The following PHACTR1 variants were observed in gnomAD, a reference collection of about 807,000 sequenced individuals.
PHACTR1 encodes phosphatase and actin regulator 1.
Under a neutral mutation model 69.2 loss-of-function variants are expected in PHACTR1, and 16 were observed. The ratio of observed to expected loss-of-function variants is 0.23; its 90% CI spans 0.16 to 0.35. The LOEUF is 0.35. Among genes scored for constraint, PHACTR1 ranks in the 10% least tolerant of loss-of-function variants. PHACTR1 has a pLI of 1.00. For missense variants in PHACTR1, 510 were observed against 734.7 expected (o/e 0.69, Z 3.54); for synonymous variants, 312 against 284.5 (o/e 1.10, Z -0.97).
intron 5 of PHACTR1, among the ~76,000 whole-genome samples, chr6:13,107,520 G>T (rs1816364290): frequency 6.6e-6 from 1 of 152,078 alleles, no homozygotes; most frequent in Non-Finnish European, 1.5e-5. Context: ...TTGTGGGAAG[G>T]GTTTCAATTT....
chr6:13,156,351 G>T (rs1245075178), intron 5 of PHACTR1, among the ~76,000 whole-genome samples: 2 of 152,218 alleles, frequency 1.3e-5, no homozygotes, highest in Non-Finnish European at 2.9e-5. Context: ...TTGGAAATTG[G>T]TGGTGATGGA....
chr6:12,803,937 G>A (rs544602238), intron 4 of PHACTR1, among the ~76,000 whole-genome samples: 43 of 152,280 alleles, frequency 2.8e-4, no homozygotes, highest in Middle Eastern at 3.4e-3. Context: ...AAAATCTCCA[G>A]GGAAAAGAAC....
chr6:12,821,708 A>G (rs1184456410), intron 4 of PHACTR1, among the ~76,000 whole-genome samples: 1 of 152,218 alleles, frequency 6.6e-6, no homozygotes, highest in Non-Finnish European at 1.5e-5. Context: ...TTATCCGTTG[A>G]CTGCCTATTC....
intron 7 of PHACTR1, among the ~76,000 whole-genome samples, chr6:13,185,990 G>A (rs957197807): frequency 6.6e-6 from 1 of 152,166 alleles, no homozygotes; most frequent in Non-Finnish European, 1.5e-5. Context: ...AGCTAATGTT[G>A]TTTCCAGAGC....
At chr6:12,893,792 G>A (rs980350147) in intron 4 of PHACTR1, among the ~76,000 whole-genome samples, 8 of 152,128 alleles carry the variant, frequency 5.3e-5, no homozygotes, top group South Asian at 4.1e-4. Flanking sequence ...GGCAGTTCAC[G>A]CAAGTCTAAA....
At chr6:12,902,938 G>T (rs1191002864) in intron 4 of PHACTR1, among the ~76,000 whole-genome samples, 2 of 152,138 alleles carry the variant, frequency 1.3e-5, no homozygotes, top group Admixed American at 6.5e-5. Flanking sequence ...ACCATTTGTC[G>T]AGACCCAACC....
chr6:12,838,124 G>A (rs924424751), intron 4 of PHACTR1, among the ~76,000 whole-genome samples: 6 of 152,222 alleles, frequency 3.9e-5, no homozygotes, highest in African/African-American at 1.2e-4. Flanking sequence ...GCATTAACCA[G>A]CAAGTGAAAG....
At chr6:13,266,362 C>T (rs747896514) in intron 10 of PHACTR1, among the ~76,000 whole-genome samples, 5 of 152,152 alleles carry the variant, frequency 3.3e-5, no homozygotes, top group South Asian at 2.1e-4. Flanking sequence ...TAATAACCAG[C>T]ATGATCTCTT....
chr6:13,131,027 C>T (rs1820318349), intron 5 of PHACTR1, among the ~76,000 whole-genome samples: 1 of 151,940 alleles, frequency 6.6e-6, no homozygotes, highest in South Asian at 2.1e-4. Context: ...AAATGTGATA[C>T]AGCACATCAA....
intron 11 of PHACTR1, among the ~76,000 whole-genome samples, chr6:13,276,543 G>A (rs1778950129): frequency 6.6e-6 from 1 of 152,264 alleles, no homozygotes; most frequent in African/African-American, 2.4e-5. Flanking sequence ...AGGCTGAGGC[G>A]GGTGGATCAC....
chr6:12,769,743 G>A (rs527535802), intron 4 of PHACTR1, among the ~76,000 whole-genome samples: 97 of 152,260 alleles, frequency 6.4e-4, no homozygotes, highest in Non-Finnish European at 1.0e-3. Context: ...AGACAGACTC[G>A]GGCTGAGCAG....
At chr6:12,937,538 G>A (rs1789598433) in intron 4 of PHACTR1, among the ~76,000 whole-genome samples, 1 of 152,040 alleles carries the variant, frequency 6.6e-6, no homozygotes, top group Admixed American at 6.6e-5. Flanking sequence ...TATGTTCCAG[G>A]GGAGGGATAT....
intron 4 of PHACTR1, among the ~76,000 whole-genome samples, chr6:12,769,872 G>A (rs1478204956): frequency 1.3e-5 from 2 of 152,192 alleles, no homozygotes; most frequent in Admixed American, 6.5e-5. Context: ...CCCCCAAGTC[G>A]AGCCTTGGCT....
intron 4 of PHACTR1, among the ~76,000 whole-genome samples, chr6:12,965,245 T>C (rs571290616): frequency 9.2e-5 from 14 of 152,346 alleles, no homozygotes; most frequent in African/African-American, 3.4e-4. Context: ...ATCCTCATTT[T>C]TCTTGGAGTC....
chr6:12,809,756 G>T (rs950785757), intron 4 of PHACTR1, among the ~76,000 whole-genome samples: 1 of 152,118 alleles, frequency 6.6e-6, no homozygotes, highest in Admixed American at 6.5e-5. Flanking sequence ...GTCCTTACAA[G>T]ATCAGATACA....
chr6:12,948,973 A>G (rs1237568593), intron 4 of PHACTR1, among the ~76,000 whole-genome samples: 1 of 152,194 alleles, frequency 6.6e-6, no homozygotes, highest in Non-Finnish European at 1.5e-5. Flanking sequence ...TTGGGGTACA[A>G]AGAAATAGAA....
intron 5 of PHACTR1, among the ~76,000 whole-genome samples, chr6:13,142,758 C>A (rs1315160780): frequency 1.3e-5 from 2 of 151,894 alleles, no homozygotes; most frequent in Non-Finnish European, 2.9e-5. Flanking sequence ...CCATTCATCT[C>A]TATGCCTGTT....
intron 4 of PHACTR1, among the ~76,000 whole-genome samples, chr6:12,945,901 TTGCAGTGGCCAAGATCG>T (rs1790616443): frequency 6.6e-6 from 1 of 151,564 alleles, no homozygotes; most frequent in Non-Finnish European, 1.5e-5. Flanking sequence ...GAGGTGGAGG[TTGCAGTGGCCAAGATCG>T]TGCCACCGCA....
intron 4 of PHACTR1, among the ~76,000 whole-genome samples, chr6:12,817,626 T>C (rs1015141398): frequency 6.6e-6 from 1 of 152,184 alleles, no homozygotes; most frequent in African/African-American, 2.4e-5. Context: ...TAAATGATAG[T>C]GTTTATTACT....
Sources: gnomAD v4.1 joint callset for allele counts (sites outside exome capture counted in the v4.1 genomes callset) on GRCh38, gnomAD v4.1.1 for gene constraint, MANE v1.5 for transcripts, NCBI Gene and HGNC (gene_info 2026-07-23, HGNC 2026-07-21) for gene names.